The following HIBADH variants were observed in gnomAD, a reference collection of about 807,000 sequenced individuals.
HIBADH encodes 3-hydroxyisobutyrate dehydrogenase.
A neutral mutation model predicts 36.1 loss-of-function variants in HIBADH; 25 were observed. That is an observed-to-expected ratio of 0.69 (90% CI 0.50 to 0.97). The LOEUF (loss-of-function observed/expected upper bound fraction) is 0.97. HIBADH is among the 50% of genes least tolerant of loss of function. HIBADH has a pLI of 0.00. For missense variants in HIBADH, 421 were observed against 418.0 expected, an observed-to-expected ratio of 1.01 and a Z score of -0.06; for synonymous variants, 160 against 149.5, an observed-to-expected ratio of 1.07 and a Z score of -0.51.
chr7:27,611,949 A>G (rs138465188), intron 4 of HIBADH, among the ~76,000 whole-genome samples: 31 of 152,322 alleles, frequency 2.0e-4, no homozygotes, highest in African/African-American at 6.7e-4. Flanking sequence ...TCCACTATCC[A>G]AAAGAGCACT....
At chr7:27,573,702 A>C (rs1428637527) in intron 4 of HIBADH, among the ~76,000 whole-genome samples, 1 of 152,210 alleles carries the variant, frequency 6.6e-6, no homozygotes, top group South Asian at 2.1e-4. Context: ...GTCCTGTCCC[A>C]CAGAGTAGCT....
chr7:27,595,635 T>C (rs1562636004), intron 4 of HIBADH, among the ~76,000 whole-genome samples: 1 of 150,474 alleles, frequency 6.6e-6, no homozygotes, highest in Admixed American at 6.6e-5. Context: ...AACCGCTATA[T>C]TCCCAGGCCT....
At chr7:27,600,497 A>T (rs906915940) in intron 4 of HIBADH, among the ~76,000 whole-genome samples, 1 of 152,166 alleles carries the variant, frequency 6.6e-6, no homozygotes, top group Non-Finnish European at 1.5e-5. Context: ...CTAGTTGGGC[A>T]ATTTTCTGGC....
chr7:27,538,343 G>T lies in HIBADH; in HGVS notation c.693C>A (p.Ile231=), dbSNP rs1237687172. The change falls in exon 6 of 8, where the codon ATC becomes ATA. Residue 231 remains isoleucine (I), a splice_region_variant and synonymous_variant. Coordinates refer to ENST00000265395, the MANE Select transcript of HIBADH (RefSeq NM_152740.4). ...IGTAEAMNLG[I]RLGLDPKLLA... The stretch of plus-strand genomic sequence containing the variant: ...TAAAAACGTACTATTCAACAAACCT[G>T]ATTCCAAGATTCATAGCTTCAGCAG... The T allele has an allele frequency of 6.2e-7, 1 of 1,610,758 alleles. No individual in the cohort carries two copies. The highest frequency in any genetic ancestry group is 2.2e-5 in the East Asian group (1 of 44,830).
chr7:27,594,146 T>TGTG (rs11408852), intron 4 of HIBADH, among the ~76,000 whole-genome samples: 1 of 120,866 alleles, frequency 8.3e-6, no homozygotes, highest in African/African-American at 2.6e-5. Context: ...ATGTTTTTGT[T>TGTG]TTTTTGTTTT....
intron 1 of HIBADH, among the ~76,000 whole-genome samples, chr7:27,662,344 T>C (rs1421409316): frequency 1.3e-5 from 2 of 152,242 alleles, no homozygotes; most frequent in Admixed American, 1.3e-4. Context: ...GGGTTGCTCC[T>C]GGAGTTGGGC....
rs139169920 is a variant in HIBADH at position 27,638,781 on chromosome 7, G to C, written c.253-6336C>G. ...ACAACTGCATTAAAGAGTAGGCAAA[G>C]GACATGAACAGACACTTTTCAAAAA... On this transcript the variant is annotated intron_variant, in intron 2 of 7. Coordinates refer to ENST00000265395, the MANE Select transcript of HIBADH (RefSeq NM_152740.4). Among the ~76,000 whole-genome samples, 813 of 152,192 alleles carry C rather than the reference G, an allele frequency of 5.3e-3. 4 individuals are homozygous for C. The highest frequency in any genetic ancestry group is 0.017 in the Middle Eastern group (5 of 294).
chr7:27,538,299 G>C, intron 6 of HIBADH, 42 bp downstream of exon 6: 2 of 1,390,064 alleles, frequency 1.4e-6, no homozygotes, highest in Non-Finnish European at 2.0e-6. Context: ...AAATAGGAAA[G>C]CCTATAAAAA....
At chr7:27,652,719 G>A (rs992641171) in intron 1 of HIBADH, among the ~76,000 whole-genome samples, 1 of 152,198 alleles carries the variant, frequency 6.6e-6, no homozygotes, top group South Asian at 2.1e-4. Context: ...AGAGCAGAAA[G>A]AGAAGCCACT....
intron 4 of HIBADH, among the ~76,000 whole-genome samples, chr7:27,589,394 T>C (rs1052010859): frequency 6.6e-6 from 1 of 152,220 alleles, no homozygotes; most frequent in African/African-American, 2.4e-5. Context: ...CAAATTCTTA[T>C]TGACTAAATG....
intron 6 of HIBADH, 73 bp downstream of exon 6, chr7:27,538,267 AT>A (rs141534210): frequency 3.2e-5 from 37 of 1,158,506 alleles, no homozygotes; most frequent in South Asian, 1.9e-4. Context: ...CATGAATATC[AT>A]TTTTTTAACA....
At chr7:27,569,482 C>A (rs1378280106) in intron 4 of HIBADH, among the ~76,000 whole-genome samples, 1 of 152,110 alleles carries the variant, frequency 6.6e-6, no homozygotes, top group Admixed American at 6.6e-5. Flanking sequence ...TGTGCATCAG[C>A]CAGGAGCCAG....
rs572763893 is a variant in HIBADH, at chr7:27,552,034, G to C, written c.485-8934C>G. On this transcript the variant is annotated intron_variant, in intron 4 of 7. Transcript: ENST00000265395. The stretch of plus-strand genomic sequence containing the variant: ...GCAGAAAAAGGCGACAGCTGGGACA[G>C]AAAGCTGCTACTCAACGAACAATAT... Among the ~76,000 whole-genome samples, 7 of 152,312 alleles carry C rather than the reference G, an allele frequency of 4.6e-5. No individual in the cohort carries two copies. In the South Asian group the frequency reaches 1.5e-3, roughly 32 times the overall value.
intron 4 of HIBADH, among the ~76,000 whole-genome samples, chr7:27,611,399 A>G (rs1235097034): frequency 6.6e-6 from 1 of 152,132 alleles, no homozygotes; most frequent in Non-Finnish European, 1.5e-5. Flanking sequence ...ATAGTTTTTA[A>G]TTTAGTTTTA....
intron 4 of HIBADH, among the ~76,000 whole-genome samples, chr7:27,611,409 A>C (rs902493783): frequency 9.2e-5 from 14 of 152,106 alleles, no homozygotes; most frequent in African/African-American, 3.4e-4. Flanking sequence ...ATTTAGTTTT[A>C]ATTTGCTGTA....
At chr7:27,532,788 T>C (rs1784021557) in intron 6 of HIBADH, among the ~76,000 whole-genome samples, 1 of 152,202 alleles carries the variant, frequency 6.6e-6, no homozygotes, top group African/African-American at 2.4e-5. Context: ...TTTATAAAGA[T>C]CCAAGTTCAC....
chr7:27,637,493 T>C (rs1785861766), intron 2 of HIBADH, among the ~76,000 whole-genome samples: 1 of 152,172 alleles, frequency 6.6e-6, no homozygotes, highest in South Asian at 2.1e-4. Flanking sequence ...GCCAACATCA[T>C]ACTGAATGGG....
Position 27,538,354 on chromosome 7 carries a change from T to G in HIBADH, c.682A>C (p.Asn228His). 6.2e-7 allele frequency: 1 copy of G among 1,612,532 alleles called. No homozygotes were observed. The highest frequency in any genetic ancestry group is 8.5e-7 in the Non-Finnish European group (1 of 1,179,060). The change falls in exon 6 of 8, where the codon AAT (asparagine) becomes CAT (histidine). Residue 228 changes from asparagine (N) to histidine (H), a missense_variant. Physicochemically the swap from Asn to His is moderately conservative, Grantham distance 68. Coordinates refer to ENST00000265395, the MANE Select transcript of HIBADH (RefSeq NM_152740.4). The stretch of plus-strand genomic sequence containing the variant: ...TATTCAACAAACCTGATTCCAAGAT[T>G]CATAGCTTCAGCAGTTCCAATCATA... Reference protein sequence around the residue: ...ISMIGTAEAMNLGIRLGLDPK... With the variant: ...ISMIGTAEAMHLGIRLGLDPK...
At chr7:27,653,116 G>C (rs928521198) in intron 1 of HIBADH, among the ~76,000 whole-genome samples, 3 of 151,914 alleles carry the variant, frequency 2.0e-5, no homozygotes, top group African/African-American at 7.3e-5. Context: ...GTGACAGAGC[G>C]AGACTCCGTC....
Sources: allele counts gnomAD v4.1 joint callset (sites outside exome capture counted in the v4.1 genomes callset), GRCh38; gene constraint gnomAD v4.1.1; transcripts MANE v1.5; gene names NCBI Gene and HGNC (gene_info 2026-07-23, HGNC 2026-07-21).